Variants in SOAT1 observed in about 807,000 individuals in gnomAD.
SOAT1 encodes acyl-coenzyme A:cholesterol acyltransferase 1.
SOAT1 carries 55 observed loss-of-function variants against 69.5 expected under a neutral mutation model. The ratio of observed to expected loss-of-function variants is 0.79; its 90% CI spans 0.64 to 0.99. The LOEUF is 0.99. Among genes scored for constraint, SOAT1 ranks in the 50% least tolerant of loss-of-function variants. SOAT1 has a pLI of 0.00. For missense variants in SOAT1, 580 were observed against 669.3 expected (o/e 0.87, Z 1.47); for synonymous variants, 231 against 224.7 (o/e 1.03, Z -0.25).
At chr1:179,344,119 TA>T (rs71111910) in intron 10 of SOAT1, among the ~76,000 whole-genome samples, 68 of 145,074 alleles carry the variant, frequency 4.7e-4, no homozygotes, top group Middle Eastern at 3.5e-3. Flanking sequence ...AGACTCCATC[TA>T]AAAAAAAAAA....
At chr1:179,327,422 G>A (rs72715595) in intron 3 of SOAT1, among the ~76,000 whole-genome samples, 3,430 of 152,194 alleles carry the variant, frequency 0.023, 66 homozygotes, top group Middle Eastern at 0.051. Flanking sequence ...AAAGGTTTAC[G>A]TCATAATTGT....
At chr1:179,300,986 T>C (rs1664813982) in intron 1 of SOAT1, among the ~76,000 whole-genome samples, 1 of 152,082 alleles carries the variant, frequency 6.6e-6, no homozygotes, top group Admixed American at 6.5e-5. Flanking sequence ...TCTCAGCCAC[T>C]CGGGAGGCTG....
chr1:179,341,983 A>G (rs1666354015), intron 7 of SOAT1, 131 bp from the exon 8 acceptor site: 1 of 1,180,014 alleles, frequency 8.5e-7, no homozygotes, highest in South Asian at 3.2e-5. Context: ...TAAAGGTTTT[A>G]TTTTAATTTG....
In SOAT1 at chr1:179,341,366, T is replaced by C. The variant is rs181932711; in HGVS notation, c.780+56T>C. On this transcript the variant is annotated intron_variant, in intron 7 of 15. Coordinates refer to ENST00000367619, the MANE Select transcript of SOAT1 (RefSeq NM_003101.6). ...CTGTCCTCGGCTAAAATAATAATAA[T>C]GATGATGACATACTGATACTATTAT... 50 of 1,488,398 alleles carry C rather than the reference T, an allele frequency of 3.4e-5. No individual in the cohort carries two copies. The East Asian group carries it at 9.7e-4, about 29-fold the overall frequency. The allele number at this position is 1,488,398 out of a possible 1,614,324, so 92.2% of individuals were successfully genotyped here.
intron 1 of SOAT1, among the ~76,000 whole-genome samples, chr1:179,297,560 T>A (rs1664691688): frequency 6.6e-6 from 1 of 151,670 alleles, no homozygotes; most frequent in African/African-American, 2.4e-5. Context: ...CAGTCTAGAA[T>A]TCCTGACCTT....
chr1:179,296,090 G>A (rs1664629088), intron 1 of SOAT1, among the ~76,000 whole-genome samples: 1 of 146,952 alleles, frequency 6.8e-6, no homozygotes, highest in South Asian at 2.2e-4. Context: ...CAAAGTGCTG[G>A]GATTACAGGC....
chr1:179,327,376 A>G (rs1372991794), intron 3 of SOAT1, among the ~76,000 whole-genome samples: 1 of 152,152 alleles, frequency 6.6e-6, no homozygotes, highest in Non-Finnish European at 1.5e-5. Flanking sequence ...AAGTGAGAGC[A>G]TTGCACTAGT....
intron 15 of SOAT1, 100 bp downstream of exon 15, chr1:179,351,562 T>A: frequency 5.6e-6 from 6 of 1,072,168 alleles, no homozygotes; most frequent in Non-Finnish European, 8.1e-6. Context: ...GAGATTATGA[T>A]GAATTAGTGT....
At chr1:179,327,679 G>C (rs938888304) in intron 3 of SOAT1, among the ~76,000 whole-genome samples, 1 of 151,940 alleles carries the variant, frequency 6.6e-6, no homozygotes, top group African/African-American at 2.4e-5. Context: ...TTTTTTATTT[G>C]CCAAATTGGG....
Position 179,337,868 on chromosome 1 carries a change from A to T in SOAT1, c.361A>T (p.Ile121Phe), listed in dbSNP as rs759170049. The T allele has an allele frequency of 1.1e-5, 18 of 1,610,534 alleles. No individual in the cohort carries two copies. The highest frequency in any genetic ancestry group is 2.2e-5 in the South Asian group (2 of 90,580). Residue 121 changes from isoleucine (I) to phenylalanine (F), a missense_variant, in exon 5 of 16, where the codon ATT (isoleucine) becomes TTT (phenylalanine). Physicochemically the swap from Ile to Phe is conservative, Grantham distance 21. Coordinates refer to ENST00000367619, the MANE Select transcript of SOAT1 (RefSeq NM_003101.6). Reference sequence around the variant, plus strand: ...GAGAGCACCTCCAGAACAAGGAAAGATTTTTATTGCAAGGCGCTCTCTCTT... The same window carrying T: ...GAGAGCACCTCCAGAACAAGGAAAGTTTTTTATTGCAAGGCGCTCTCTCTT... ...DLRAPPEQGKIFIARRSLLDE... is the reference protein window; with the variant it reads ...DLRAPPEQGKFFIARRSLLDE...
rs1664576505 is a variant in SOAT1 at position 179,294,815 on chromosome 1, G to A, written c.-9+879G>A. Among the ~76,000 whole-genome samples, 4 of 152,226 alleles carry A rather than the reference G, an allele frequency of 2.6e-5. No homozygotes were observed. The South Asian group carries it at 6.2e-4, about 24-fold the overall frequency. ...CCCAAAGTGCTGGGATTACAGGCGT[G>A]AGCCACCGCGCCTGGCCTGTTGGTC... On this transcript the variant is annotated intron_variant, in intron 1 of 15. Coordinates refer to ENST00000367619, the MANE Select transcript of SOAT1 (RefSeq NM_003101.6).
At chr1:179,317,164 T>A (rs940491659) in intron 2 of SOAT1, among the ~76,000 whole-genome samples, 2 of 152,352 alleles carry the variant, frequency 1.3e-5, no homozygotes, top group African/African-American at 4.8e-5. Flanking sequence ...GGGAAATTAC[T>A]TTTATAAATT....
intron 4 of SOAT1, 40 bp downstream of exon 4, chr1:179,335,697 C>G (rs762932458): frequency 6.5e-7 from 1 of 1,539,544 alleles, no homozygotes; most frequent in Non-Finnish European, 8.8e-7. Flanking sequence ...AACATCTACT[C>G]AGTATAGTTC....
At chr1:179,338,168 C>A (rs56294269) in intron 5 of SOAT1, among the ~76,000 whole-genome samples, 2 of 152,086 alleles carry the variant, frequency 1.3e-5, no homozygotes, top group South Asian at 2.1e-4. Flanking sequence ...ACAGGCAGAT[C>A]GCTTGAGTCC....
At chr1:179,333,563 G>T (rs1410316273) in intron 3 of SOAT1, among the ~76,000 whole-genome samples, 1 of 152,006 alleles carries the variant, frequency 6.6e-6, no homozygotes, top group African/African-American at 2.4e-5. Context: ...GTTTCAGGCG[G>T]GGCACGGTGG....
intron 14 of SOAT1, among the ~76,000 whole-genome samples, chr1:179,351,038 T>C (rs202206253): frequency 0.65 from 82,756 of 127,308 alleles, 25,898 homozygotes; most frequent in East Asian, 0.87. Context: ...TTTTTTTTTT[T>C]TTTTTTTTTT....
At chr1:179,317,390 G>T (rs961908950) in intron 2 of SOAT1, among the ~76,000 whole-genome samples, 8 of 151,932 alleles carry the variant, frequency 5.3e-5, no homozygotes, top group African/African-American at 1.9e-4. Context: ...AAAATTAGCC[G>T]GGCGTGGTGG....
intron 5 of SOAT1, among the ~76,000 whole-genome samples, chr1:179,339,073 A>G (rs1666248359): frequency 6.6e-6 from 1 of 152,194 alleles, no homozygotes; most frequent in African/African-American, 2.4e-5. Flanking sequence ...CGTGTAGGGT[A>G]GTAATTGGTT....
chr1:179,326,220 T>A (rs923781647), intron 3 of SOAT1, among the ~76,000 whole-genome samples: 2 of 152,244 alleles, frequency 1.3e-5, no homozygotes, highest in African/African-American at 4.8e-5. Context: ...CTCCTTCATG[T>A]AGCTCTTTCT....
Sources: allele counts gnomAD v4.1 joint callset (sites outside exome capture counted in the v4.1 genomes callset), GRCh38; gene constraint gnomAD v4.1.1; transcripts MANE v1.5; gene names NCBI Gene and HGNC (gene_info 2026-07-23, HGNC 2026-07-21).